The following GPC6 variants were observed in gnomAD, a reference collection of about 807,000 sequenced individuals.
GPC6 encodes glypican 6.
GPC6 carries 14 observed loss-of-function variants against 55.2 expected under a neutral mutation model. The observed-to-expected ratio is 0.25, with a 90% CI of 0.17 to 0.40. The LOEUF (loss-of-function observed/expected upper bound fraction) is 0.40. Among genes scored for constraint, GPC6 ranks in the 10% least tolerant of loss-of-function variants. The pLI is 1.00. For synonymous variants in GPC6, 278 were observed against 259.6 expected (o/e 1.07, Z -0.68); for missense variants, 641 against 708.5 (o/e 0.90, Z 1.08).
At chr13:94,272,689 C>T (rs1002669011) in intron 4 of GPC6, among the ~76,000 whole-genome samples, 6 of 151,946 alleles carry the variant, frequency 3.9e-5, no homozygotes, top group African/African-American at 1.2e-4. Context: ...AGGATGGTCT[C>T]AATTTCCTGA....
chr13:93,828,270 T>C (rs1887338469), intron 2 of GPC6, among the ~76,000 whole-genome samples: 1 of 152,158 alleles, frequency 6.6e-6, no homozygotes, highest in Admixed American at 6.6e-5. Flanking sequence ...CACAATCTGT[T>C]ACGCCTTCCA....
At chr13:93,824,446 T>C (rs1172167922) in intron 2 of GPC6, among the ~76,000 whole-genome samples, 1 of 152,194 alleles carries the variant, frequency 6.6e-6, no homozygotes, top group Non-Finnish European at 1.5e-5. Context: ...TGCAATCAGC[T>C]TGGTGAGATA....
At chr13:93,315,837 C>A (rs1879228816) in intron 1 of GPC6, among the ~76,000 whole-genome samples, 1 of 151,842 alleles carries the variant, frequency 6.6e-6, no homozygotes, top group Non-Finnish European at 1.5e-5. Context: ...CCCTTTATCT[C>A]TGCGTACCAC....
chr13:94,386,374 A>G (rs1880409482), intron 7 of GPC6, among the ~76,000 whole-genome samples: 1 of 149,672 alleles, frequency 6.7e-6, no homozygotes, highest in South Asian at 2.1e-4. Flanking sequence ...AAAAAAAAAG[A>G]AAAGAAAAGA....
intron 1 of GPC6, among the ~76,000 whole-genome samples, chr13:93,250,236 G>A (rs1876738673): frequency 6.6e-6 from 1 of 152,194 alleles, no homozygotes; most frequent in Admixed American, 6.5e-5. Flanking sequence ...CTGTACACAT[G>A]CTTGTCAATT....
intron 2 of GPC6, among the ~76,000 whole-genome samples, chr13:93,812,142 TGG>T (rs35966772): frequency 3.5e-4 from 26 of 73,816 alleles, no homozygotes; most frequent in African/African-American, 1.1e-3. Context: ...TGCAAGGCGG[TGG>T]GGGGGGGGGC....
chr13:93,891,858 G>A (rs1210818209), intron 3 of GPC6, among the ~76,000 whole-genome samples: 2 of 151,764 alleles, frequency 1.3e-5, no homozygotes, highest in Middle Eastern at 3.4e-3. Context: ...TATGTAGTGT[G>A]TATGTGTATA....
chr13:93,526,505 T>TTCCTTGTG (rs1881652422), intron 1 of GPC6, among the ~76,000 whole-genome samples: 1 of 152,112 alleles, frequency 6.6e-6, no homozygotes, highest in African/African-American at 2.4e-5. Flanking sequence ...TATCAATATC[T>TTCCTTGTG]TCCTTGTGTA....
rs914326563 is a variant in GPC6, at chr13:94,324,387, G to T, written c.1152+18264G>T. ...AGGACATGAAAACCCCAAAATAGGT[G>T]ATTGAATTGAATGTGAAGGTGAACA... On this transcript the variant is annotated intron_variant, in intron 6 of 8. Transcript: ENST00000377047. 2.0e-5 allele frequency among the ~76,000 whole-genome samples: 3 copies of T among 151,524 alleles called. No individual in the cohort carries two copies. The South Asian group carries it at 6.3e-4, about 32-fold the overall frequency.
intron 4 of GPC6, among the ~76,000 whole-genome samples, chr13:94,173,285 G>A (rs2138932935): frequency 6.6e-6 from 1 of 152,260 alleles, no homozygotes; most frequent in Non-Finnish European, 1.5e-5. Context: ...AGAAGACTCA[G>A]GGGTACACAC....
intron 3 of GPC6, among the ~76,000 whole-genome samples, chr13:93,944,193 T>TATTC (rs1384569413): frequency 6.7e-6 from 1 of 149,864 alleles, no homozygotes; most frequent in Admixed American, 6.6e-5. Flanking sequence ...TTTATTTATT[T>TATTC]ATTTATTTAT....
intron 4 of GPC6, among the ~76,000 whole-genome samples, chr13:94,032,406 T>C (rs940807460): frequency 2.6e-5 from 4 of 152,038 alleles, no homozygotes; most frequent in African/African-American, 9.7e-5. Flanking sequence ...AAATAGCAAA[T>C]AAGATTGTAT....
intron 1 of GPC6, among the ~76,000 whole-genome samples, chr13:93,490,514 G>GTC (rs1566384491): frequency 4.3e-3 from 152 of 35,318 alleles, no homozygotes; most frequent in African/African-American, 0.017. Context: ...TTTTTTTTGA[G>GTC]TTTTTTTTTT....
At chr13:94,269,899 A>C (rs1241947231) in intron 4 of GPC6, among the ~76,000 whole-genome samples, 2 of 152,202 alleles carry the variant, frequency 1.3e-5, no homozygotes, top group Non-Finnish European at 2.9e-5. Context: ...ACAGATGGGA[A>C]TTCGTGAGCT....
At chr13:93,383,808 A>T (rs1047235487) in intron 1 of GPC6, among the ~76,000 whole-genome samples, 1 of 151,842 alleles carries the variant, frequency 6.6e-6, no homozygotes, top group Admixed American at 6.6e-5. Context: ...TGGAACTTTT[A>T]TATGGAAGTC....
intron 1 of GPC6, among the ~76,000 whole-genome samples, chr13:93,474,478 C>A (rs1235011621): frequency 6.6e-6 from 1 of 152,106 alleles, no homozygotes; most frequent in Non-Finnish European, 1.5e-5. Flanking sequence ...AGTGCTGAGA[C>A]TTTAGTTACC....
chr13:93,972,917 C>A (rs112730021), intron 3 of GPC6, among the ~76,000 whole-genome samples: 1 of 151,906 alleles, frequency 6.6e-6, no homozygotes, highest in South Asian at 2.1e-4. Flanking sequence ...CTCTCTCTCT[C>A]TGTCTCTCTG....
chr13:93,950,441 A>G (rs918269965), intron 3 of GPC6, among the ~76,000 whole-genome samples: 2 of 152,252 alleles, frequency 1.3e-5, no homozygotes, highest in Admixed American at 6.5e-5. Flanking sequence ...TTAGGCATCT[A>G]GAGTTATAAA....
At chr13:93,370,347 T>C (rs1418475035) in intron 1 of GPC6, among the ~76,000 whole-genome samples, 2 of 152,104 alleles carry the variant, frequency 1.3e-5, no homozygotes. Context: ...CAACTTAAAT[T>C]TTCCCTTTTC....
Sources: gnomAD v4.1 joint callset for allele counts (sites outside exome capture counted in the v4.1 genomes callset) on GRCh38, gnomAD v4.1.1 for gene constraint, MANE v1.5 for transcripts, NCBI Gene and HGNC (gene_info 2026-07-23, HGNC 2026-07-21) for gene names.